Variants in CDK2AP1 observed in about 807,000 individuals in gnomAD.
The protein encoded by CDK2AP1 is cyclin-dependent kinase 2-associated protein 1.
Under a neutral mutation model 14.1 loss-of-function variants are expected in CDK2AP1, and 10 were observed. The ratio of observed to expected loss-of-function variants is 0.71; its 90% CI spans 0.44 to 1.20. The LOEUF (loss-of-function observed/expected upper bound fraction) is 1.20. Ranked by LOEUF, CDK2AP1 falls within the 50% of genes most tolerant of loss-of-function variation. CDK2AP1 has a pLI of 0.00. For synonymous variants in CDK2AP1, 59 were observed against 59.8 expected (o/e 0.99, Z 0.06); for missense variants, 102 against 149.9 (o/e 0.68, Z 1.67).
At chr12:123,267,066 A>G in intron 2 of CDK2AP1, 119 bp downstream of exon 2, 1 of 724,088 alleles carries the variant, frequency 1.4e-6, no homozygotes, top group Non-Finnish European at 2.5e-6. Context: ...CCTTGGGCTG[A>G]GAAAGCTCCG....
intron 3 of CDK2AP1, among the ~76,000 whole-genome samples, chr12:123,263,373 G>C (rs574038181): frequency 6.6e-6 from 1 of 152,306 alleles, no homozygotes; most frequent in East Asian, 1.9e-4. Context: ...GGGCTTGGCT[G>C]TTGGCCAAGG....
chr12:123,271,717 G>T lies in CDK2AP1; in HGVS notation c.-99C>A. On this transcript the variant is annotated 5_prime_UTR_variant, in exon 1 of 4. Transcript: ENST00000261692. ...GCGGTAGCGCTGCAGCCCCGCGCCCGTCCGAGCGCCCGCCGAGCGCCCGCG... is the reference window on the plus strand; with the variant it reads ...GCGGTAGCGCTGCAGCCCCGCGCCCTTCCGAGCGCCCGCCGAGCGCCCGCG... 3.1e-6 allele frequency: 1 copy of T among 323,822 alleles called. No individual in the cohort carries two copies. Among genetic ancestry groups the T allele is most frequent in the Non-Finnish European group, 4.4e-6 (1 of 228,746 alleles). The allele number at this position is 323,822 out of a possible 1,614,324, so 20.1% of individuals were successfully genotyped here. A position where few individuals can be genotyped will look rare whatever the true frequency, so the allele number is the denominator to read the frequency against.
chr12:123,262,940 G>T (rs1013399652), intron 3 of CDK2AP1, among the ~76,000 whole-genome samples: 3 of 151,328 alleles, frequency 2.0e-5, no homozygotes, highest in Non-Finnish European at 1.5e-5. Context: ...CATGCCTGTC[G>T]CGGTGGCTCA....
intron 1 of CDK2AP1, among the ~76,000 whole-genome samples, 177 bp downstream of exon 1, chr12:123,271,387 G>A (rs2048352488): frequency 6.8e-6 from 1 of 147,114 alleles, no homozygotes; most frequent in Non-Finnish European, 1.5e-5. Context: ...GGGCGCACCA[G>A]AGAACTTTCG....
At chr12:123,270,450 C>A (rs2048343983) in intron 1 of CDK2AP1, among the ~76,000 whole-genome samples, 1 of 152,140 alleles carries the variant, frequency 6.6e-6, no homozygotes, top group Non-Finnish European at 1.5e-5. Context: ...GCAGGAGAGC[C>A]AGCGTGGCAC....
intron 3 of CDK2AP1, chr12:123,262,133 G>T: frequency 4.3e-6 from 1 of 234,032 alleles, no homozygotes; most frequent in Non-Finnish European, 8.4e-6. Flanking sequence ...CCACTATGGA[G>T]ATTTTTCTCT....
In CDK2AP1 at chr12:123,271,566, G is replaced by A. The variant is rs1480872992; in HGVS notation, c.53C>T (p.Ala18Val). 2 of 1,007,890 alleles carry A rather than the reference G, an allele frequency of 2.0e-6. No individual in the cohort carries two copies. Among genetic ancestry groups the A allele is most frequent in the Non-Finnish European group, 2.4e-6 (2 of 845,644 alleles). 62.4% of individuals were successfully genotyped at this position (1,007,890 alleles called of 1,614,324 possible). ...AAHMPAAALN[A>V]AGSVHSPSTS... ...CGCGTCGCACGCGGCTCACTCACCG[G>A]CGTTGAGGGCGGCGGCGGGCATGTG... The change falls in exon 1 of 4, where the codon GCC (alanine) becomes GTC (valine). Residue 18 changes from alanine (A) to valine (V), a missense_variant and splice_region_variant. By Grantham distance (64) the Ala-to-Val change is moderately conservative. Around this residue, in one of 2 missense-constraint regions of CDK2AP1, gnomAD observed 50 missense variants for 42.7 expected, o/e 1.17. Coordinates refer to ENST00000261692, the MANE Select transcript of CDK2AP1 (RefSeq NM_004642.4).
chr12:123,266,054 GGCAAGCCCACAAGCCC>G (rs1016348253), intron 2 of CDK2AP1, among the ~76,000 whole-genome samples: 56 of 152,238 alleles, frequency 3.7e-4, no homozygotes, highest in African/African-American at 8.9e-4. Context: ...CTGGGCTTCC[GGCAAGCCCACAAGCCC>G]GCAAGCCCAC....
intron 1 of CDK2AP1, chr12:123,268,077 A>C: frequency 1.6e-6 from 1 of 628,704 alleles, no homozygotes; most frequent in Non-Finnish European, 2.0e-6. Context: ...CGTGGCTAGG[A>C]GCACGCGGCC....
chr12:123,262,146 C>T (rs1566002125), intron 3 of CDK2AP1: 1 of 217,268 alleles, frequency 4.6e-6, no homozygotes, highest in African/African-American at 2.3e-5. Context: ...TTTTCTCTGG[C>T]TTCTTCAGTC....
Position 123,265,190 on chromosome 12 carries a change from G to A in CDK2AP1, c.280+6C>T. The A allele has an allele frequency of 6.2e-7, 1 of 1,613,896 alleles. No individual in the cohort carries two copies. Among genetic ancestry groups the A allele is most frequent in the African/African-American group, 1.3e-5 (1 of 75,036 alleles). The stretch of plus-strand genomic sequence containing the variant: ...GTCACCGACAGGGCAGCGGGGCCGG[G>A]CTTACCGCGCTTCAGCCTCTCCATG... On this transcript the variant is annotated splice_donor_region_variant and intron_variant, in intron 3 of 3. Coordinates refer to ENST00000261692, the MANE Select transcript of CDK2AP1 (RefSeq NM_004642.4). This position sits in a 1 kb window ranked among gnomAD's most constrained non-coding sequence, Gnocchi z 5.3.
chr12:123,268,518 G>C (rs1463382924), intron 1 of CDK2AP1, among the ~76,000 whole-genome samples: 1 of 152,252 alleles, frequency 6.6e-6, no homozygotes, highest in Non-Finnish European at 1.5e-5. Context: ...AACGGGGACC[G>C]TTCCGAGCTG....
chr12:123,264,026 T>C (rs1002288745), intron 3 of CDK2AP1, among the ~76,000 whole-genome samples: 2 of 152,094 alleles, frequency 1.3e-5, no homozygotes, highest in Non-Finnish European at 2.9e-5. Flanking sequence ...GGAAAATTGT[T>C]TGAACCCGGG....
At chr12:123,268,251 T>G in intron 1 of CDK2AP1, 1 of 985,482 alleles carries the variant, frequency 1.0e-6, no homozygotes, top group East Asian at 1.1e-4. Context: ...CGCCGCAGAC[T>G]TGGCCTCGGG....
chr12:123,264,462 CAAAAAAAAAAAAA>C (rs1167157405), intron 3 of CDK2AP1, among the ~76,000 whole-genome samples: 25 of 69,858 alleles, frequency 3.6e-4, no homozygotes, highest in East Asian at 1.1e-3. Flanking sequence ...CTCCGTCTCC[CAAAAAAAAAAAAA>C]AAAAAAAAAA....
At position 123,271,665 on chromosome 12, in the gene CDK2AP1, G is replaced by GGGCGGCGGC. The variant is rs1052747136; in HGVS notation, c.-56_-48dup. 12 of 833,230 alleles carry GGGCGGCGGC rather than the reference G, an allele frequency of 1.4e-5. No individual in the cohort carries two copies. In the Admixed American group the frequency reaches 1.9e-4, roughly 13 times the overall value. The allele number at this position is 833,230 out of a possible 1,614,324, so 51.6% of individuals were successfully genotyped here. A position where few individuals can be genotyped will look rare whatever the true frequency, so the allele number is the denominator to read the frequency against. On this transcript the variant is annotated 5_prime_UTR_variant, in exon 1 of 4. Transcript: ENST00000261692. ...CGGGCGCGGCGGGGCCAGGCCGCGAGGGCGGCGGCGGCGGCGGCGAGGCCG... is the reference window on the plus strand; with the variant it reads ...CGGGCGCGGCGGGGCCAGGCCGCGAGGGCGGCGGCGGCGGCGGCGGCGGCGGCGAGGCCG...
chr12:123,263,130 G>A (rs537431830), intron 3 of CDK2AP1, among the ~76,000 whole-genome samples: 68 of 149,326 alleles, frequency 4.6e-4, no homozygotes, highest in African/African-American at 1.6e-3. Flanking sequence ...AGAACTGCTT[G>A]AACCCGGGAG....
At chr12:123,268,138 T>G in intron 1 of CDK2AP1, 1 of 961,078 alleles carries the variant, frequency 1.0e-6, no homozygotes, top group South Asian at 4.8e-5. Context: ...TCCTGCAGAA[T>G]GACAAACAGC....
intron 3 of CDK2AP1, 137 bp from the exon 4 acceptor site, chr12:123,261,940 T>C: frequency 1.5e-6 from 1 of 672,292 alleles, no homozygotes; most frequent in South Asian, 1.7e-5. Context: ...CAGGGAAACC[T>C]ATAACCAAGC....
Sources: gnomAD v4.1 joint callset for allele counts (sites outside exome capture counted in the v4.1 genomes callset) on GRCh38, gnomAD v4.1.1 for gene constraint, gnomAD v4.1.1 regional missense constraint, Gnocchi (gnomAD v3.1) non-coding constraint, MANE v1.5 for transcripts, NCBI Gene and HGNC (gene_info 2026-07-23, HGNC 2026-07-21) for gene names.